EPB41L1: variants seen among roughly 807,000 people sequenced by gnomAD.
The protein encoded by EPB41L1 is erythrocyte membrane protein band 4.1 like 1.
Under a neutral mutation model 97.8 loss-of-function variants are expected in EPB41L1, and 29 were observed. That is an observed-to-expected ratio of 0.30 (90% CI 0.22 to 0.40). The LOEUF is 0.40. EPB41L1 is among the 10% of genes least tolerant of loss of function. The pLI, the probability that EPB41L1 is intolerant of heterozygous loss-of-function variation, is 1.00. For synonymous variants in EPB41L1, 383 were observed against 459.2 expected, an observed-to-expected ratio of 0.83 and a Z score of 2.12; for missense variants, 812 against 1,162.3, an observed-to-expected ratio of 0.70 and a Z score of 4.38.
chr20:36,101,427 G>A (rs751669846), intron 1 of EPB41L1, among the ~76,000 whole-genome samples: 14 of 152,038 alleles, frequency 9.2e-5, no homozygotes, highest in Admixed American at 1.3e-4. Flanking sequence ...CACCCCAACC[G>A]AGACCATTAT....
At chr20:36,107,706 G>A (rs1747544478) in intron 1 of EPB41L1, among the ~76,000 whole-genome samples, 1 of 151,424 alleles carries the variant, frequency 6.6e-6, no homozygotes, top group Non-Finnish European at 1.5e-5. Context: ...GCACGTGCCT[G>A]TAATTCCAGC....
chr20:36,194,220 T>C lies in EPB41L1; in HGVS notation c.1309T>C (p.Ser437Pro). 1 of 1,613,716 alleles carries C rather than the reference T, an allele frequency of 6.2e-7. No individual in the cohort carries two copies. The highest frequency in any genetic ancestry group is 8.5e-7 in the Non-Finnish European group (1 of 1,180,034). ...MSRSLDGAEF[S>P]RPASVSENHD... is the part of the protein sequence containing the mutation. Reference sequence around the variant, plus strand: ...ATCTCCACCCACTTCAGCAGAGTTCTCCCGCCCAGCCTCGGTCAGCGAGAA... The same window carrying C: ...ATCTCCACCCACTTCAGCAGAGTTCCCCCGCCCAGCCTCGGTCAGCGAGAA... Residue 437 changes from serine to proline, a missense_variant, in exon 12 of 22, where the codon TCC becomes CCC. Coordinates refer to ENST00000338074, the MANE Select transcript of EPB41L1 (RefSeq NM_012156.2).
intron 1 of EPB41L1, among the ~76,000 whole-genome samples, chr20:36,096,220 T>G (rs1443486419): frequency 2.0e-5 from 3 of 152,154 alleles, no homozygotes; most frequent in Non-Finnish European, 4.4e-5. Flanking sequence ...AAGCCTCCCC[T>G]GTCCCTCACA....
At chr20:36,204,476 T>A (rs1365778957) in intron 14 of EPB41L1, among the ~76,000 whole-genome samples, 1 of 128,348 alleles carries the variant, frequency 7.8e-6, no homozygotes, top group African/African-American at 4.0e-5. Flanking sequence ...TGGTGCTTTT[T>A]TTTTTTTTTT....
At chr20:36,098,167 T>A (rs1000698217) in intron 1 of EPB41L1, among the ~76,000 whole-genome samples, 1 of 152,146 alleles carries the variant, frequency 6.6e-6, no homozygotes, top group Non-Finnish European at 1.5e-5. Flanking sequence ...CACGACAGCC[T>A]GGCCCTGGAA....
In EPB41L1 at chr20:36,212,286, A is replaced by C. The variant is rs2063177479; in HGVS notation, c.2094A>C (p.Glu698Asp). 1 of 1,614,088 alleles carries C rather than the reference A, an allele frequency of 6.2e-7. No homozygotes were observed. The highest frequency in any genetic ancestry group is 1.7e-5 in the Admixed American group (1 of 60,014). The change falls in exon 16 of 22, where the codon GAA becomes GAC. Residue 698 changes from glutamate (E) to aspartate (D), a missense_variant. Transcript: ENST00000338074. This position sits in a 1 kb window ranked among gnomAD's most constrained non-coding sequence, Gnocchi z 4.8. The part of the protein sequence containing the change: ...DMPQFEPVKT[E>D]TMTVSSLAIR... ...TTTTCCTACAGCCCGTGAAAACAGA[A>C]ACCATGACTGTCAGCAGTCTGGCCA...
intron 1 of EPB41L1, among the ~76,000 whole-genome samples, chr20:36,165,964 C>A (rs1443274821): frequency 1.3e-5 from 2 of 152,220 alleles, no homozygotes; most frequent in Non-Finnish European, 2.9e-5. Context: ...TGGACAAATC[C>A]ATTTGCCTCT....
chr20:36,123,750 C>T (rs912176322), intron 2 of EPB41L1, among the ~76,000 whole-genome samples: 2 of 152,124 alleles, frequency 1.3e-5, no homozygotes, highest in Non-Finnish European at 1.5e-5. Flanking sequence ...TAAGTTCTGA[C>T]AATGTATAGG....
At chr20:36,165,410 A>C (rs1290772341) in intron 1 of EPB41L1, among the ~76,000 whole-genome samples, 1 of 151,002 alleles carries the variant, frequency 6.6e-6, no homozygotes, top group African/African-American at 2.4e-5. Flanking sequence ...GCTCAGAAAG[A>C]GGAAGTGGCT....
chr20:36,217,636 G>C (rs1287052616), intron 17 of EPB41L1, among the ~76,000 whole-genome samples: 1 of 152,168 alleles, frequency 6.6e-6, no homozygotes, highest in African/African-American at 2.4e-5. Context: ...GGATTCATAG[G>C]GGTTAGTGGC....
chr20:36,120,069 T>C (rs2058704656), intron 2 of EPB41L1, among the ~76,000 whole-genome samples: 1 of 152,204 alleles, frequency 6.6e-6, no homozygotes, highest in Non-Finnish European at 1.5e-5. Context: ...GGCCTTCAGC[T>C]GATCACAGCT....
chr20:36,156,701 C>CAGT lies in EPB41L1; in HGVS notation c.-15+1808_-15+1810dup, dbSNP rs561726583. 1.6e-3 allele frequency among the ~76,000 whole-genome samples: 250 copies of CAGT among 152,272 alleles called. 1 individual carries two copies. Among genetic ancestry groups the CAGT allele is most frequent in the South Asian group, 7.9e-3 (38 of 4,824 alleles). ...ATGTTGGCCTCCCAGCCCTTGCCCTCAGTAGGTGAGCAGGAGAGGTCAGGG... is the reference window on the plus strand; with the variant it reads ...ATGTTGGCCTCCCAGCCCTTGCCCTCAGTAGTAGGTGAGCAGGAGAGGTCAGGG... On this transcript the variant is annotated intron_variant, in intron 1 of 21. Coordinates refer to ENST00000338074, the MANE Select transcript of EPB41L1 (RefSeq NM_012156.2).
intron 1 of EPB41L1, among the ~76,000 whole-genome samples, chr20:36,161,011 G>C (rs938343497): frequency 6.6e-6 from 1 of 152,208 alleles, no homozygotes; most frequent in Non-Finnish European, 1.5e-5. Flanking sequence ...AATCAAGTGA[G>C]AGAAGGAGTC....
In EPB41L1 at chr20:36,190,656, C is replaced by T. The variant is rs753214239; in HGVS notation, c.1159C>T (p.Leu387=). 1.2e-6 allele frequency: 2 copies of T among 1,613,798 alleles called. No individual in the cohort carries two copies. The highest frequency in any genetic ancestry group is 2.7e-5 in the African/African-American group (2 of 74,862). The part of the protein sequence containing the change: ...VSPEPPPKGF[L]VMGSKFRYSG... ...CCCTGAGCCCCCACCCAAGGGCTTC[C>T]TGGTGATGGGCTCCAAGTTCCGGTA... is the stretch of plus-strand genomic sequence containing the variant. The change falls in exon 11 of 22, where the codon CTG becomes TTG. Residue 387 remains leucine (L), a synonymous_variant. Transcript: ENST00000338074. The surrounding 1 kb of genome is among the most constrained non-coding windows in gnomAD (Gnocchi z 5.8).
At chr20:36,113,954 A>C (rs1205611284) in intron 2 of EPB41L1, among the ~76,000 whole-genome samples, 1 of 151,962 alleles carries the variant, frequency 6.6e-6, no homozygotes, top group Non-Finnish European at 1.5e-5. Flanking sequence ...GAAAGATGAG[A>C]CTCTAGGTAT....
At position 36,209,128 on chromosome 20, in the gene EPB41L1, C is replaced by T. The variant is rs143231895; in HGVS notation, c.1669-360C>T. Among the ~76,000 whole-genome samples, 9 of 152,238 alleles carry T rather than the reference C, an allele frequency of 5.9e-5. No homozygotes were observed. Among genetic ancestry groups the T allele is most frequent in the East Asian group, 1.9e-4 (1 of 5,182 alleles). On this transcript the variant is annotated intron_variant, in intron 14 of 21. Transcript: ENST00000338074. This position sits in a 1 kb window ranked among gnomAD's most constrained non-coding sequence, Gnocchi z 4.2. ...CACCTGCACGGATGGGCCTGGGGTC[C>T]GGGCTTCCATCCCTGCCTTTCGTGC...
intron 2 of EPB41L1, among the ~76,000 whole-genome samples, chr20:36,149,053 C>G (rs1183897375): frequency 1.3e-5 from 2 of 152,150 alleles, no homozygotes; most frequent in South Asian, 2.1e-4. Context: ...ATCTGAGGTG[C>G]AGAAGGGAGC....
intron 7 of EPB41L1, among the ~76,000 whole-genome samples, chr20:36,187,022 C>G (rs6060846): frequency 0.081 from 12,357 of 152,104 alleles, 1,184 homozygotes; most frequent in African/African-American, 0.23. Flanking sequence ...TGTAAAATGA[C>G]AATAATAATA....
At chr20:36,196,298 T>C (rs1230335889) in intron 13 of EPB41L1, among the ~76,000 whole-genome samples, 1 of 152,216 alleles carries the variant, frequency 6.6e-6, no homozygotes, top group Non-Finnish European at 1.5e-5. Context: ...CCAATGCCCT[T>C]AACCTTTAGG....
Sources: allele counts gnomAD v4.1 joint callset (sites outside exome capture counted in the v4.1 genomes callset), GRCh38; gene constraint gnomAD v4.1.1; non-coding constraint Gnocchi (gnomAD v3.1); transcripts MANE v1.5; gene names NCBI Gene and HGNC (gene_info 2026-07-23, HGNC 2026-07-21).